The following NXPH1 variants were observed in gnomAD, a reference collection of about 807,000 sequenced individuals.
The protein encoded by NXPH1 is neurexophilin 1.
In NXPH1, 5 loss-of-function variants were observed where a neutral mutation model predicts 23.7. The ratio of observed to expected loss-of-function variants is 0.21; its 90% CI spans 0.11 to 0.44. NXPH1 has a LOEUF of 0.44. Among genes scored for constraint, NXPH1 ranks in the 20% least tolerant of loss-of-function variants. The pLI, the probability that NXPH1 is intolerant of heterozygous loss-of-function variation, is 0.99. For synonymous variants in NXPH1, 144 were observed against 122.2 expected (o/e 1.18, Z -1.18); for missense variants, 324 against 321.6 (o/e 1.01, Z -0.06).
At chr7:8,729,087 A>T (rs2115214346) in intron 2 of NXPH1, among the ~76,000 whole-genome samples, 1 of 152,178 alleles carries the variant, frequency 6.6e-6, no homozygotes, top group East Asian at 1.9e-4. Flanking sequence ...TGTCTCGAGG[A>T]ATTTATCCAT....
intron 2 of NXPH1, among the ~76,000 whole-genome samples, chr7:8,547,162 C>T (rs1023896164): frequency 6.6e-6 from 1 of 151,346 alleles, no homozygotes; most frequent in East Asian, 2.0e-4. Context: ...TAGGTGAATG[C>T]CAAAAATTCC....
chr7:8,742,807 A>G (rs1780389933), intron 2 of NXPH1, among the ~76,000 whole-genome samples: 1 of 152,182 alleles, frequency 6.6e-6, no homozygotes, highest in South Asian at 2.1e-4. Context: ...GTAAAATTTC[A>G]TTATTGAAAT....
chr7:8,644,642 G>A (rs1203354697), intron 2 of NXPH1, among the ~76,000 whole-genome samples: 2 of 151,970 alleles, frequency 1.3e-5, no homozygotes, highest in East Asian at 3.8e-4. Flanking sequence ...CAAGTTGATA[G>A]TGTCATGTTT....
intron 2 of NXPH1, among the ~76,000 whole-genome samples, chr7:8,734,418 A>G (rs1031087193): frequency 3.9e-5 from 6 of 152,158 alleles, no homozygotes; most frequent in African/African-American, 1.2e-4. Context: ...AAGAACGTCA[A>G]TGGTAGCTTG....
At chr7:8,570,196 T>A (rs1818618630) in intron 2 of NXPH1, among the ~76,000 whole-genome samples, 1 of 151,970 alleles carries the variant, frequency 6.6e-6, no homozygotes, top group African/African-American at 2.4e-5. Flanking sequence ...AAGAGATTGA[T>A]GTTTTGTTGA....
chr7:8,592,641 A>G (rs1819122583), intron 2 of NXPH1, among the ~76,000 whole-genome samples: 1 of 152,022 alleles, frequency 6.6e-6, no homozygotes, highest in African/African-American at 2.4e-5. Flanking sequence ...AATGGGCCAG[A>G]TAGTAAATAT....
intron 2 of NXPH1, among the ~76,000 whole-genome samples, chr7:8,505,176 G>C (rs563084038): frequency 6.6e-6 from 1 of 152,066 alleles, no homozygotes; most frequent in Admixed American, 6.5e-5. Flanking sequence ...TGAATGCCAG[G>C]TCTCTGACCT....
chr7:8,559,263 C>A (rs1326060029), intron 2 of NXPH1, among the ~76,000 whole-genome samples: 1 of 151,650 alleles, frequency 6.6e-6, no homozygotes, highest in Admixed American at 6.6e-5. Flanking sequence ...CTGGTGGAAT[C>A]TAATTTTAGA....
intron 2 of NXPH1, among the ~76,000 whole-genome samples, chr7:8,621,001 A>C (rs1369496371): frequency 6.6e-6 from 1 of 152,230 alleles, no homozygotes; most frequent in Non-Finnish European, 1.5e-5. Context: ...GCCTATATTA[A>C]TTCATCAAAT....
At chr7:8,616,995 G>T (rs1430493778) in intron 2 of NXPH1, among the ~76,000 whole-genome samples, 1 of 152,066 alleles carries the variant, frequency 6.6e-6, no homozygotes, top group South Asian at 2.1e-4. Flanking sequence ...GGCTTCAGTG[G>T]ATAAGAAAGG....
intron 2 of NXPH1, among the ~76,000 whole-genome samples, chr7:8,436,729 G>A (rs1816202984): frequency 6.6e-6 from 1 of 152,182 alleles, no homozygotes; most frequent in South Asian, 2.1e-4. Context: ...GGAGTGCACC[G>A]AGGGCTCGCT....
At chr7:8,481,995 C>A (rs941814579) in intron 2 of NXPH1, among the ~76,000 whole-genome samples, 2 of 152,274 alleles carry the variant, frequency 1.3e-5, no homozygotes, top group Middle Eastern at 3.4e-3. Context: ...GCACATGCAG[C>A]CTTGTTGCCT....
chr7:8,664,860 T>G (rs113033898), intron 2 of NXPH1, among the ~76,000 whole-genome samples: 41 of 152,116 alleles, frequency 2.7e-4, no homozygotes, highest in African/African-American at 9.4e-4. Context: ...TTTATTTGAC[T>G]GTTTTTTAAT....
At chr7:8,529,637 T>G (rs1817921248) in intron 2 of NXPH1, among the ~76,000 whole-genome samples, 1 of 152,200 alleles carries the variant, frequency 6.6e-6, no homozygotes, top group Non-Finnish European at 1.5e-5. Context: ...ATCAAATTAT[T>G]TAATTATATT....
intron 2 of NXPH1, among the ~76,000 whole-genome samples, chr7:8,734,286 A>G (rs1256582059): frequency 2.0e-5 from 3 of 152,206 alleles, no homozygotes; most frequent in Non-Finnish European, 4.4e-5. Flanking sequence ...TCCTTGTAGT[A>G]TAGCTTGAAG....
intron 2 of NXPH1, among the ~76,000 whole-genome samples, chr7:8,495,270 A>G (rs983848090): frequency 1.4e-5 from 2 of 141,948 alleles, no homozygotes; most frequent in African/African-American, 2.7e-5. Context: ...AAAACCTCAT[A>G]CTTTGCTCTT....
intron 2 of NXPH1, among the ~76,000 whole-genome samples, chr7:8,491,493 A>G (rs1817246986): frequency 6.6e-6 from 1 of 152,076 alleles, no homozygotes; most frequent in African/African-American, 2.4e-5. Flanking sequence ...TGACATATTG[A>G]TAATCCCAGA....
chr7:8,549,004 T>C (rs1485096084), intron 2 of NXPH1, among the ~76,000 whole-genome samples: 2 of 151,566 alleles, frequency 1.3e-5, no homozygotes, highest in African/African-American at 4.8e-5. Context: ...TATTTTGAAG[T>C]AAAAGCTGTT....
intron 2 of NXPH1, among the ~76,000 whole-genome samples, chr7:8,590,490 T>A (rs1819069301): frequency 6.6e-6 from 1 of 152,046 alleles, no homozygotes; most frequent in African/African-American, 2.4e-5. Context: ...CCTTTACAGA[T>A]GTCAGGTCTT....
Sources: allele counts gnomAD v4.1 joint callset (sites outside exome capture counted in the v4.1 genomes callset), GRCh38; gene constraint gnomAD v4.1.1; transcripts MANE v1.5; gene names NCBI Gene and HGNC (gene_info 2026-07-23, HGNC 2026-07-21).